The following SPO11 variants were observed in gnomAD, a reference collection of about 807,000 sequenced individuals.
SPO11 encodes SPO11 initiator of meiotic double strand breaks.
A neutral mutation model predicts 51.6 loss-of-function variants in SPO11; 49 were observed. The observed-to-expected ratio is 0.95, with a 90% CI of 0.75 to 1.20. The LOEUF (loss-of-function observed/expected upper bound fraction) is 1.20, where lower values mean the gene tolerates loss of function less well. Among genes scored for constraint, SPO11 ranks in the 50% most tolerant of loss-of-function variants. SPO11 has a pLI of 0.00. For missense variants in SPO11, 431 were observed against 473.4 expected (o/e 0.91, Z 0.83); for synonymous variants, 176 against 158.2 (o/e 1.11, Z -0.84).
rs889743403 is a variant in SPO11, at chr20:57,342,926, T to C, written c.1071+86T>C. The stretch of plus-strand genomic sequence containing the variant: ...CTATTCACATCGTATTTTGAAAATA[T>C]CCCTCTTGAAATTTTATATGACACG... On this transcript the variant is annotated intron_variant, in intron 12 of 12. Coordinates refer to ENST00000371263, the MANE Select transcript of SPO11 (RefSeq NM_012444.3). The C allele has an allele frequency of 1.4e-5, 13 of 933,520 alleles. No individual in the cohort carries two copies. The African/African-American group carries it at 1.8e-4, about 13-fold the overall frequency. The allele number at this position is 933,520 out of a possible 1,614,324, so 57.8% of individuals were successfully genotyped here.
chr20:57,338,400 A>G, intron 9 of SPO11, 25 bp downstream of exon 9: 1 of 1,427,204 alleles, frequency 7.0e-7, no homozygotes, highest in Non-Finnish European at 9.8e-7. Flanking sequence ...GACTATTTAC[A>G]ACAATAGTCA....
chr20:57,338,203 T>G, intron 8 of SPO11, 73 bp from the exon 9 acceptor site: 1 of 1,123,174 alleles, frequency 8.9e-7, no homozygotes, highest in South Asian at 1.3e-5. Flanking sequence ...ACTTTTAAAT[T>G]ATTAATAAGA....
intron 6 of SPO11, 98 bp downstream of exon 6, chr20:57,334,934 C>A (rs1229588041): frequency 4.1e-6 from 4 of 970,704 alleles, no homozygotes; most frequent in Non-Finnish European, 4.6e-6. Flanking sequence ...TAACCTAGAG[C>A]TTAAGATTTC....
At chr20:57,332,281 G>A (rs1333796416) in intron 2 of SPO11, among the ~76,000 whole-genome samples, 4 of 152,204 alleles carry the variant, frequency 2.6e-5, no homozygotes. Flanking sequence ...AGGGGGAGAT[G>A]TCATGGGTGC....
intron 5 of SPO11, 84 bp from the exon 6 acceptor site, chr20:57,334,666 T>G (rs536700440): frequency 6.7e-4 from 663 of 989,374 alleles, no homozygotes; most frequent in Non-Finnish European, 9.1e-4. Context: ...TGCCAGTAAT[T>G]CAGCAGATGA....
At chr20:57,335,980 A>T (rs1408025450) in intron 8 of SPO11, 73 bp downstream of exon 8, 3 of 837,440 alleles carry the variant, frequency 3.6e-6, no homozygotes, top group Non-Finnish European at 5.9e-6. Flanking sequence ...AGGATTTACA[A>T]TATTATCTAC....
intron 8 of SPO11, chr20:57,337,815 T>G: frequency 7.8e-7 from 1 of 1,277,076 alleles, no homozygotes; most frequent in Non-Finnish European, 1.0e-6. Context: ...GACTCAGATA[T>G]GAACCAGGGT....
intron 2 of SPO11, 41 bp downstream of exon 2, chr20:57,331,987 T>C (rs766832858): frequency 1.5e-5 from 17 of 1,162,890 alleles, no homozygotes; most frequent in Non-Finnish European, 2.1e-5. Context: ...GCAATATCTA[T>C]GTCATTATTA....
At chr20:57,331,295 C>T (rs2066446386) in intron 1 of SPO11, among the ~76,000 whole-genome samples, 1 of 152,136 alleles carries the variant, frequency 6.6e-6, no homozygotes, top group Admixed American at 6.5e-5. Context: ...CTTTTTGTAT[C>T]GCTAAATTTC....
intron 3 of SPO11, 124 bp downstream of exon 3, chr20:57,333,400 T>C (rs1289534689): frequency 4.4e-6 from 3 of 680,584 alleles, no homozygotes; most frequent in Non-Finnish European, 4.9e-6. Flanking sequence ...ATACATAAAA[T>C]AAATTTCTAT....
chr20:57,342,373 A>G (rs768941164), intron 11 of SPO11, among the ~76,000 whole-genome samples: 3 of 152,230 alleles, frequency 2.0e-5, no homozygotes, highest in Non-Finnish European at 4.4e-5. Context: ...TGAGAGGCTT[A>G]ATGTACATTA....
chr20:57,338,895 C>A, intron 9 of SPO11, 94 bp from the exon 10 acceptor site: 2 of 786,716 alleles, frequency 2.5e-6, no homozygotes, highest in Non-Finnish European at 2.0e-6. Flanking sequence ...GTGATGTCCA[C>A]AAAATTAAAA....
In SPO11 at chr20:57,334,822, AC is replaced by A; in HGVS notation, c.585del (p.Cys196ValfsTer18). The A allele has an allele frequency of 6.2e-7, 1 of 1,613,726 alleles. No homozygotes were observed. Among genetic ancestry groups the A allele is most frequent in the Non-Finnish European group, 8.5e-7 (1 of 1,179,736 alleles). On this transcript the variant is annotated frameshift_variant, in exon 6 of 13. Transcript: ENST00000371263. LOFTEE classifies it high-confidence loss of function. ...IEEDGTKVNC[T>X]CGATAVAVPS... ...GGAAGATGGCACCAAAGTGAATTGT[AC>A]CTGTGGTGCAACGGTAAGAAGCATC... is the stretch of plus-strand genomic sequence containing the variant.
intron 8 of SPO11, chr20:57,337,806 A>G: frequency 7.7e-7 from 1 of 1,294,892 alleles, no homozygotes; most frequent in South Asian, 1.2e-5. Context: ...TGGTGCTGTG[A>G]CTCAGATATG....
At chr20:57,336,290 A>C (rs564423128) in intron 8 of SPO11, among the ~76,000 whole-genome samples, 2 of 152,332 alleles carry the variant, frequency 1.3e-5, no homozygotes, top group East Asian at 3.9e-4. Context: ...TCCACACGTC[A>C]GAGTCAGTTT....
At chr20:57,336,999 C>A (rs954337643) in intron 8 of SPO11, among the ~76,000 whole-genome samples, 1 of 152,102 alleles carries the variant, frequency 6.6e-6, no homozygotes, top group African/African-American at 2.4e-5. Context: ...TAGTTGAAAT[C>A]CATGTTGCTA....
chr20:57,333,114 C>A, intron 2 of SPO11, 74 bp from the exon 3 acceptor site: 2 of 1,082,878 alleles, frequency 1.8e-6, no homozygotes, highest in Non-Finnish European at 2.7e-6. Flanking sequence ...GTGCAGAAGA[C>A]CATAAGTATA....
chr20:57,342,701 CT>C (rs1555827489), intron 11 of SPO11, 27 bp from the exon 12 acceptor site: 3 of 1,441,232 alleles, frequency 2.1e-6, no homozygotes, highest in Non-Finnish European at 2.9e-6. Flanking sequence ...CACTTTTTTA[CT>C]GATTTTTTTC....
intron 8 of SPO11, 49 bp downstream of exon 8, chr20:57,335,956 T>C (rs766655895): frequency 8.6e-6 from 9 of 1,042,124 alleles, no homozygotes; most frequent in African/African-American, 1.6e-5. Flanking sequence ...TATACTGTTA[T>C]GGTGATTGGT....
Sources: gnomAD v4.1 joint callset for allele counts (sites outside exome capture counted in the v4.1 genomes callset) on GRCh38, gnomAD v4.1.1 for gene constraint, MANE v1.5 for transcripts, NCBI Gene and HGNC (gene_info 2026-07-23, HGNC 2026-07-21) for gene names.